Variants in CSMD1 observed in about 807,000 individuals in gnomAD.
CSMD1 encodes the protein CUB and sushi domain-containing protein 1.
In CSMD1, 213 loss-of-function variants were observed where a neutral mutation model predicts 417.5. The observed-to-expected ratio is 0.51, with a 90% CI of 0.46 to 0.57. The LOEUF (loss-of-function observed/expected upper bound fraction) is 0.57, where lower values mean the gene tolerates loss of function less well. Ranked by LOEUF, CSMD1 falls within the 20% of genes least tolerant of loss-of-function variation. CSMD1 has a pLI of 0.00. For missense variants in CSMD1, 6,923 were observed against 4,529.7 expected, an observed-to-expected ratio of 1.53 and a Z score of -15.17; for synonymous variants, 2,862 against 1,736.8, an observed-to-expected ratio of 1.65 and a Z score of -16.11.
At chr8:4,160,659 C>T (rs748039940) in intron 3 of CSMD1, among the ~76,000 whole-genome samples, 28 of 152,350 alleles carry the variant, frequency 1.8e-4, no homozygotes, top group Middle Eastern at 6.8e-3. Context: ...CTTGTGTGTG[C>T]ACAGACACAT....
chr8:4,263,193 G>A (rs1371069999), intron 3 of CSMD1, among the ~76,000 whole-genome samples: 1 of 149,226 alleles, frequency 6.7e-6, no homozygotes, highest in Non-Finnish European at 1.5e-5. Context: ...CTAGTGCCGT[G>A]TATTCTAGTA....
At chr8:4,107,690 G>C (rs545675733) in intron 3 of CSMD1, among the ~76,000 whole-genome samples, 53 of 152,224 alleles carry the variant, frequency 3.5e-4, no homozygotes, top group African/African-American at 1.2e-3. Flanking sequence ...CAACATGACA[G>C]GGAACCGGGC....
chr8:4,967,237 G>A (rs1036878052), intron 1 of CSMD1, among the ~76,000 whole-genome samples: 11 of 152,270 alleles, frequency 7.2e-5, no homozygotes, highest in Admixed American at 2.0e-4. Context: ...AAAAATCAAA[G>A]TTGGATAATA....
intron 1 of CSMD1, among the ~76,000 whole-genome samples, chr8:4,673,635 T>G (rs965965760): frequency 1.3e-5 from 2 of 152,150 alleles, no homozygotes; most frequent in African/African-American, 2.4e-5. Flanking sequence ...AATCATGCTT[T>G]GTGGTTCTAG....
chr8:4,276,449 G>A (rs746532430), intron 3 of CSMD1, among the ~76,000 whole-genome samples: 22 of 152,104 alleles, frequency 1.4e-4, no homozygotes, highest in Non-Finnish European at 2.9e-4. Context: ...GCTTGGAGGG[G>A]AACATCACAC....
intron 49 of CSMD1, among the ~76,000 whole-genome samples, chr8:3,082,224 A>G (rs527457638): frequency 4.6e-4 from 70 of 152,324 alleles, no homozygotes; most frequent in African/African-American, 1.5e-3. Flanking sequence ...ATGCGTGCCA[A>G]TCATTCATTA....
At chr8:4,204,684 T>G (rs1055775395) in intron 3 of CSMD1, among the ~76,000 whole-genome samples, 2 of 152,186 alleles carry the variant, frequency 1.3e-5, no homozygotes, top group African/African-American at 4.8e-5. Context: ...AGACACAGTT[T>G]CACTCTGTCA....
At chr8:3,378,481 C>A (rs1467431626) in intron 18 of CSMD1, among the ~76,000 whole-genome samples, 3 of 152,146 alleles carry the variant, frequency 2.0e-5, no homozygotes, top group African/African-American at 7.2e-5. Context: ...CTGAAGAACA[C>A]CGATGTGAAA....
intron 3 of CSMD1, among the ~76,000 whole-genome samples, chr8:4,183,373 T>C (rs1029932127): frequency 1.3e-5 from 2 of 152,244 alleles, no homozygotes; most frequent in African/African-American, 4.8e-5. Context: ...TGGTAACTTC[T>C]TCTTTCAATA....
At chr8:3,298,118 C>A (rs974670042) in intron 25 of CSMD1, among the ~76,000 whole-genome samples, 1 of 152,148 alleles carries the variant, frequency 6.6e-6, no homozygotes, top group Non-Finnish European at 1.5e-5. Flanking sequence ...TCCTGAAATT[C>A]TCTCATATAC....
intron 1 of CSMD1, among the ~76,000 whole-genome samples, chr8:4,931,924 G>C (rs992873194): frequency 2.0e-4 from 31 of 152,148 alleles, no homozygotes; most frequent in African/African-American, 6.0e-4. Flanking sequence ...TGGACATTAA[G>C]ATGCTTATGT....
At chr8:4,500,180 A>C (rs2130276637) in intron 2 of CSMD1, among the ~76,000 whole-genome samples, 1 of 152,192 alleles carries the variant, frequency 6.6e-6, no homozygotes, top group East Asian at 1.9e-4. Flanking sequence ...CTGGGAGAAT[A>C]CAATGTCTCT....
rs1454432064 is a variant in CSMD1, at chr8:4,149,697, T to C, written c.416-117598A>G. 2.6e-5 allele frequency among the ~76,000 whole-genome samples: 4 copies of C among 152,152 alleles called. No individual in the cohort carries two copies. In the East Asian group the frequency reaches 7.7e-4, roughly 29 times the overall value. Reference sequence around the variant, plus strand: ...CACTGAAGGAATAAACAATGCTGAGTGATGCTGAGCTCCAACAGAAACATT... The same window carrying C: ...CACTGAAGGAATAAACAATGCTGAGCGATGCTGAGCTCCAACAGAAACATT... On this transcript the variant is annotated intron_variant, in intron 3 of 69. Coordinates refer to ENST00000635120, the MANE Select transcript of CSMD1 (RefSeq NM_033225.6).
intron 8 of CSMD1, among the ~76,000 whole-genome samples, chr8:3,611,963 T>G (rs977744017): frequency 6.6e-6 from 1 of 152,150 alleles, no homozygotes; most frequent in South Asian, 2.1e-4. Context: ...CAATTTTTGT[T>G]ATAGTATCAA....
chr8:4,226,995 G>C (rs888405184), intron 3 of CSMD1, among the ~76,000 whole-genome samples: 2 of 152,108 alleles, frequency 1.3e-5, no homozygotes, highest in African/African-American at 2.4e-5. Flanking sequence ...AAAACTAAAG[G>C]GGGTAAATCC....
At chr8:3,547,087 A>C (rs116361330) in intron 10 of CSMD1, among the ~76,000 whole-genome samples, 4,593 of 152,168 alleles carry the variant, frequency 0.03, 174 homozygotes, top group African/African-American at 0.086. Flanking sequence ...CAGCAGGACC[A>C]ATAACGTGGG....
At chr8:3,274,350 A>G (rs543791208) in intron 26 of CSMD1, among the ~76,000 whole-genome samples, 2 of 152,142 alleles carry the variant, frequency 1.3e-5, no homozygotes, top group African/African-American at 2.4e-5. Context: ...ACTTCCAACT[A>G]TGTGGTCAAT....
intron 1 of CSMD1, among the ~76,000 whole-genome samples, chr8:4,910,421 G>C (rs1431323057): frequency 6.6e-6 from 1 of 152,106 alleles, no homozygotes; most frequent in African/African-American, 2.4e-5. Context: ...TCACATTCTG[G>C]AGGCTGAGAA....
intron 5 of CSMD1, among the ~76,000 whole-genome samples, chr8:3,966,618 T>C (rs965354951): frequency 6.6e-6 from 1 of 152,090 alleles, no homozygotes; most frequent in Non-Finnish European, 1.5e-5. Context: ...ATATTCATTA[T>C]TTTTTCAATT....
Sources: gnomAD v4.1 joint callset for allele counts (sites outside exome capture counted in the v4.1 genomes callset) on GRCh38, gnomAD v4.1.1 for gene constraint, MANE v1.5 for transcripts, NCBI Gene and HGNC (gene_info 2026-07-23, HGNC 2026-07-21) for gene names.